Variants in PWWP3A observed in about 807,000 individuals in gnomAD.
The protein encoded by PWWP3A is PWWP domain containing 3A, DNA repair factor.
PWWP3A carries 53 observed loss-of-function variants against 79.0 expected under a neutral mutation model. The ratio of observed to expected loss-of-function variants is 0.67; its 90% CI spans 0.54 to 0.84. The LOEUF (loss-of-function observed/expected upper bound fraction) is 0.84, where lower values mean the gene tolerates loss of function less well. Among genes scored for constraint, PWWP3A ranks in the 40% least tolerant of loss-of-function variants. The pLI, the probability that PWWP3A is intolerant of heterozygous loss-of-function variation, is 0.00. For missense variants in PWWP3A, 973 were observed against 948.0 expected (o/e 1.03, Z -0.35); for synonymous variants, 443 against 394.4 (o/e 1.12, Z -1.46).
Position 1,369,674 on chromosome 19 carries a change from T to C in PWWP3A, c.1549+28T>C, listed in dbSNP as rs1229625818. Reference sequence around the variant, plus strand: ...AAGTCTACAGGCACATCTTGGAAAATGTGGTTTGCCTTTTAGCCCTTTAGA... The same window carrying C: ...AAGTCTACAGGCACATCTTGGAAAACGTGGTTTGCCTTTTAGCCCTTTAGA... On this transcript the variant is annotated intron_variant, in intron 11 of 13. Coordinates refer to ENST00000591337, the MANE Select transcript of PWWP3A (RefSeq NM_001369789.1). The surrounding 1 kb of genome is among the most constrained non-coding windows in gnomAD (Gnocchi z 4.0). 1.2e-6 allele frequency: 2 copies of C among 1,613,222 alleles called. No homozygotes were observed. The highest frequency in any genetic ancestry group is 1.7e-6 in the Non-Finnish European group (2 of 1,179,310).
intron 13 of PWWP3A, among the ~76,000 whole-genome samples, chr19:1,375,566 A>AATTATATAATTTTATATATTAT (rs2082359683): frequency 1.2e-5 from 1 of 81,324 alleles, no homozygotes; most frequent in Non-Finnish European, 2.2e-5. Context: ...TTATATATAA[A>AATTATATAATTTTATATATTAT]ATATATTATA....
rs566844568 is a variant in PWWP3A at position 1,370,569 on chromosome 19, A to G, written c.1550-73A>G. On this transcript the variant is annotated intron_variant, in intron 11 of 13. Transcript: ENST00000591337. ...CATCCCTGCCATGTCGCAGCCTCCCATCGGCCCTGACCCACAGCCACCCGA... is the reference window on the plus strand; with the variant it reads ...CATCCCTGCCATGTCGCAGCCTCCCGTCGGCCCTGACCCACAGCCACCCGA... 13 of 1,347,644 alleles carry G rather than the reference A, an allele frequency of 9.6e-6. No individual in the cohort carries two copies. In the African/African-American group the frequency reaches 1.8e-4, roughly 18 times the overall value. 83.5% of individuals were successfully genotyped at this position (1,347,644 alleles called of 1,614,324 possible). A position where few individuals can be genotyped will look rare whatever the true frequency, so the allele number is the denominator to read the frequency against.
rs1427994429 is a variant in PWWP3A at position 1,367,905 on chromosome 19, A to C, written c.1422+685A>C. 2.6e-5 allele frequency among the ~76,000 whole-genome samples: 4 copies of C among 151,950 alleles called. No individual in the cohort carries two copies. In the East Asian group the frequency reaches 5.8e-4, roughly 22 times the overall value. ...AAGAAAAAGTGGTTGTGTCTTTTCC[A>C]CTCTCAGGGATCTGAGTTACTTTCT... On this transcript the variant is annotated intron_variant, in intron 9 of 13. Transcript: ENST00000591337.
chr19:1,366,151 G>A (rs1397800335), intron 7 of PWWP3A, among the ~76,000 whole-genome samples, 154 bp from the exon 8 acceptor site: 2 of 152,266 alleles, frequency 1.3e-5, no homozygotes, highest in Admixed American at 6.5e-5. Context: ...GCATGGGGCC[G>A]TTTCTCAGCG....
intron 5 of PWWP3A, 78 bp downstream of exon 5, chr19:1,361,110 G>T: frequency 3.8e-6 from 5 of 1,330,746 alleles, no homozygotes; most frequent in Non-Finnish European, 4.8e-6. Context: ...AGCCAGGCAC[G>T]TGGGTGTTTT....
At chr19:1,375,465 A>G (rs1322159281) in intron 13 of PWWP3A, among the ~76,000 whole-genome samples, 3 of 132,654 alleles carry the variant, frequency 2.3e-5, no homozygotes, top group Admixed American at 8.6e-5. Context: ...AATGTATATT[A>G]TATAAAATTT....
chr19:1,376,295 GTTTTTT>G lies in PWWP3A; in HGVS notation c.2076-218_2076-213del, dbSNP rs754438911. Among the ~76,000 whole-genome samples the G allele has an allele frequency of 7.5e-4, 50 of 67,062 alleles. 4 individuals carry two copies. The highest frequency in any genetic ancestry group is 1.2e-3 in the African/African-American group (22 of 17,912). The allele number at this position is 67,062 out of a possible 152,430, so 44.0% of individuals were successfully genotyped here. On this transcript the variant is annotated intron_variant, in intron 13 of 13. Coordinates refer to ENST00000591337, the MANE Select transcript of PWWP3A (RefSeq NM_001369789.1). Reference sequence around the variant, plus strand: ...CATGCGCCACCACGCCCGGCTGTTTGTTTTTTTTTTTGTTTGTTTTTTTTTTTTTTT... The same window carrying G: ...CATGCGCCACCACGCCCGGCTGTTTGTTTTTGTTTGTTTTTTTTTTTTTTT...
intron 6 of PWWP3A, 151 bp from the exon 7 acceptor site, chr19:1,364,358 G>C (rs924251773): frequency 4.7e-5 from 32 of 675,888 alleles, no homozygotes; most frequent in Non-Finnish European, 7.6e-5. Flanking sequence ...CTGCCTTTCA[G>C]ATTCTCCTGA....
chr19:1,364,627 A>G (rs770217202), intron 7 of PWWP3A, 48 bp downstream of exon 7: 3 of 1,284,068 alleles, frequency 2.3e-6, no homozygotes, highest in South Asian at 1.3e-5. Context: ...CTTAAATTTC[A>G]TGAATTTTTA....
Position 1,360,523 on chromosome 19 carries a change from A to G in PWWP3A, c.602A>G (p.Glu201Gly), listed in dbSNP as rs1023097507. ...CCAGCTGGAGGTGGTGCCCAAGATG[A>G]GAGTGGGTCCAGAATCCACCACAAA... ...VLPAGGGAQD[E>G]SGSRIHHKNW... Residue 201 changes from glutamate to glycine, a missense_variant, in exon 5 of 14, where the codon GAG becomes GGG. Physicochemically the swap from Glu to Gly is moderately conservative, Grantham distance 98. Coordinates refer to ENST00000591337, the MANE Select transcript of PWWP3A (RefSeq NM_001369789.1). This position sits in a 1 kb window ranked among gnomAD's most constrained non-coding sequence, Gnocchi z 4.4. 3.1e-6 allele frequency: 5 copies of G among 1,614,116 alleles called. No homozygotes were observed. Among genetic ancestry groups the G allele is most frequent in the African/African-American group, 1.3e-5 (1 of 74,950 alleles).
intron 4 of PWWP3A, 143 bp downstream of exon 4, chr19:1,358,607 C>G: frequency 1.3e-6 from 2 of 1,570,048 alleles, no homozygotes; most frequent in Non-Finnish European, 1.7e-6. Flanking sequence ...ATCCCCTGAG[C>G]TGAAGGAGAA....
At chr19:1,375,597 ATAT>A (rs1323076069) in intron 13 of PWWP3A, among the ~76,000 whole-genome samples, 7 of 134,628 alleles carry the variant, frequency 5.2e-5, no homozygotes, top group South Asian at 2.1e-4. Flanking sequence ...ATAATTTTAT[ATAT>A]TATAATATAT....
At chr19:1,357,896 A>C (rs1410781362) in intron 3 of PWWP3A, 1 of 159,166 alleles carries the variant, frequency 6.3e-6, no homozygotes, top group Non-Finnish European at 1.3e-5. Flanking sequence ...CCCCTGCCCC[A>C]CTCCCTCCTG....
rs867409842 is a variant in PWWP3A, at chr19:1,370,860, C to T, written c.1768C>T (p.Arg590Trp). The change falls in exon 12 of 14, where the codon CGG becomes TGG. Residue 590 changes from arginine (R) to tryptophan (W), a missense_variant. By Grantham distance (101) the Arg-to-Trp change is moderately radical. Coordinates refer to ENST00000591337, the MANE Select transcript of PWWP3A (RefSeq NM_001369789.1). ...GGCCAAGGGCGCGGAGAGCCACCTG[C>T]GGGCCATCCTAAAGAGCAGGAAGCC... ...VKAKGAESHL[R>W]AILKSRKPSR... 1.8e-5 allele frequency: 28 copies of T among 1,562,328 alleles called. No individual in the cohort carries two copies. The highest frequency in any genetic ancestry group is 1.3e-4 in the Admixed American group (7 of 52,136).
intron 4 of PWWP3A, 180 bp from the exon 5 acceptor site, chr19:1,359,956 G>A (rs141200305): frequency 1.1e-4 from 63 of 587,616 alleles, no homozygotes; most frequent in African/African-American, 8.3e-4. Flanking sequence ...AATAGCTGTC[G>A]TTCTGTAGCC....
chr19:1,355,553 G>A lies in PWWP3A; in HGVS notation c.-70+418G>A, dbSNP rs577202336. Among the ~76,000 whole-genome samples, 5 of 126,026 alleles carry A rather than the reference G, an allele frequency of 4.0e-5. No individual in the cohort carries two copies. In the East Asian group the frequency reaches 1.2e-3, roughly 29 times the overall value. The allele number at this position is 126,026 out of a possible 152,430, so 82.7% of individuals were successfully genotyped here. A position where few individuals can be genotyped will look rare whatever the true frequency, so the allele number is the denominator to read the frequency against. On this transcript the variant is annotated intron_variant, in intron 1 of 13. Coordinates refer to ENST00000591337, the MANE Select transcript of PWWP3A (RefSeq NM_001369789.1). Reference sequence around the variant, plus strand: ...CGCTCCACCTCCTCCGTGAGCCCTCGTTCTTGCTCCCTGAGCCCCCCCGCT... The same window carrying A: ...CGCTCCACCTCCTCCGTGAGCCCTCATTCTTGCTCCCTGAGCCCCCCCGCT...
At chr19:1,371,227 C>T in intron 12 of PWWP3A, 149 bp downstream of exon 12, 2 of 879,820 alleles carry the variant, frequency 2.3e-6, no homozygotes, top group Non-Finnish European at 3.7e-6. Flanking sequence ...TGTTTACATC[C>T]TGTCAGTGCT....
At chr19:1,375,935 G>A (rs1337057852) in intron 13 of PWWP3A, among the ~76,000 whole-genome samples, 1 of 148,294 alleles carries the variant, frequency 6.7e-6, no homozygotes, top group Non-Finnish European at 1.5e-5. Context: ...TCAGCCTCCC[G>A]AGTGGCTAGG....
chr19:1,366,484 C>G lies in PWWP3A; in HGVS notation c.1361+103C>G, dbSNP rs991951301. 3 of 1,062,098 alleles carry G rather than the reference C, an allele frequency of 2.8e-6. No individual in the cohort carries two copies. The East Asian group carries it at 7.4e-5, about 26-fold the overall frequency. 65.8% of individuals were successfully genotyped at this position (1,062,098 alleles called of 1,614,324 possible). The stretch of plus-strand genomic sequence containing the variant: ...GGATGGAGGGACAGAGGGGAGGCCC[C>G]GGCAGGAGTCCAGGCCCGGGCAGGG... On this transcript the variant is annotated intron_variant, in intron 8 of 13. Transcript: ENST00000591337.
Sources: allele counts gnomAD v4.1 joint callset (sites outside exome capture counted in the v4.1 genomes callset), GRCh38; gene constraint gnomAD v4.1.1; non-coding constraint Gnocchi (gnomAD v3.1); transcripts MANE v1.5; gene names NCBI Gene and HGNC (gene_info 2026-07-23, HGNC 2026-07-21).